The following SOX5 variants were observed in gnomAD, a reference collection of about 807,000 sequenced individuals.
The protein encoded by SOX5 is SRY-box transcription factor 5.
A neutral mutation model predicts 92.0 loss-of-function variants in SOX5; 9 were observed. The observed-to-expected ratio is 0.10, with a 90% CI of 0.06 to 0.17. The LOEUF is 0.17. Ranked by LOEUF, SOX5 falls within the 10% of genes least tolerant of loss-of-function variation. The pLI is 1.00. For synonymous variants in SOX5, 344 were observed against 336.3 expected, an observed-to-expected ratio of 1.02 and a Z score of -0.25; for missense variants, 642 against 944.5, an observed-to-expected ratio of 0.68 and a Z score of 4.20.
chr12:24,088,622 A>T (rs1944289306), intron 4 of SOX5, among the ~76,000 whole-genome samples: 1 of 151,812 alleles, frequency 6.6e-6, no homozygotes, highest in South Asian at 2.1e-4. Flanking sequence ...GGCTCATTTT[A>T]GTCTTTTCTT....
At chr12:24,258,235 T>C (rs2686329) in intron 3 of SOX5, among the ~76,000 whole-genome samples, 103,555 of 152,046 alleles carry the variant, frequency 0.68, 37,733 homozygotes, top group East Asian at 0.96. Flanking sequence ...TTTGGGCCCA[T>C]GACCCTTAAA....
At chr12:23,927,590 G>A (rs532832707) in intron 1 of SOX5, among the ~76,000 whole-genome samples, 1 of 151,952 alleles carries the variant, frequency 6.6e-6, no homozygotes, top group African/African-American at 2.4e-5. Flanking sequence ...CAATTTTCCT[G>A]TTTACCTCAC....
chr12:23,630,701 A>G (rs1479460), intron 8 of SOX5, among the ~76,000 whole-genome samples: 86,927 of 151,646 alleles, frequency 0.57, 25,138 homozygotes, highest in African/African-American at 0.64. Context: ...GAGGTCATTT[A>G]TACCCACTTT....
chr12:23,807,775 G>A (rs922239487), intron 3 of SOX5, among the ~76,000 whole-genome samples: 7 of 151,830 alleles, frequency 4.6e-5, no homozygotes, highest in African/African-American at 1.5e-4. Context: ...AGCATCCTGA[G>A]TAGCTGGGAT....
At chr12:23,638,866 A>G (rs558004584) in intron 8 of SOX5, among the ~76,000 whole-genome samples, 1 of 150,908 alleles carries the variant, frequency 6.6e-6, no homozygotes, top group Non-Finnish European at 1.5e-5. Context: ...TTTGTTCTGA[A>G]TAACGGTTAT....
intron 2 of SOX5, among the ~76,000 whole-genome samples, chr12:24,362,372 C>T (rs1161764988): frequency 6.6e-6 from 1 of 152,124 alleles, no homozygotes; most frequent in Non-Finnish European, 1.5e-5. Flanking sequence ...AGATTTAGTC[C>T]TTTTGTGCAA....
chr12:24,346,626 T>C (rs1292522718), intron 2 of SOX5, among the ~76,000 whole-genome samples: 2 of 152,092 alleles, frequency 1.3e-5, no homozygotes, highest in Non-Finnish European at 2.9e-5. Flanking sequence ...CTAATTTTTG[T>C]ACTTTTAGTA....
At chr12:23,766,069 T>C (rs1470598058) in intron 3 of SOX5, among the ~76,000 whole-genome samples, 3 of 152,172 alleles carry the variant, frequency 2.0e-5, no homozygotes, top group Admixed American at 1.3e-4. Flanking sequence ...TTACTTGAAT[T>C]ATTAAATTAG....
At chr12:24,354,925 G>A (rs1031970018) in intron 2 of SOX5, among the ~76,000 whole-genome samples, 2 of 152,122 alleles carry the variant, frequency 1.3e-5, no homozygotes, top group East Asian at 3.8e-4. Context: ...GAGATTCTTT[G>A]ACTTTTTGGC....
At chr12:23,652,337 C>T (rs2139068120) in intron 7 of SOX5, among the ~76,000 whole-genome samples, 1 of 152,050 alleles carries the variant, frequency 6.6e-6, no homozygotes, top group South Asian at 2.1e-4. Flanking sequence ...TAGGCTGTTC[C>T]ACCTTCCTTC....
At chr12:24,006,071 T>C (rs980544863) in intron 4 of SOX5, among the ~76,000 whole-genome samples, 1 of 152,186 alleles carries the variant, frequency 6.6e-6, no homozygotes, top group Non-Finnish European at 1.5e-5. Context: ...GCTATTGATG[T>C]CAAAGGCTTT....
intron 3 of SOX5, among the ~76,000 whole-genome samples, chr12:23,768,785 T>C (rs1304732405): frequency 3.3e-5 from 5 of 152,110 alleles, no homozygotes; most frequent in African/African-American, 1.2e-4. Flanking sequence ...ATCATTAAAA[T>C]TGATCTTTAT....
At position 24,164,517 on chromosome 12, in the gene SOX5, G is replaced by C. The variant is rs12307748; in HGVS notation, c.-2+48826C>G. ...GTATGCCCTGTGAAATTCAGTTAAA[G>C]GAAAAAATTGTAAATTAGATTCACC... On this transcript the variant is annotated intron_variant, in intron 4 of 4. Transcript: ENST00000446891. Among the ~76,000 whole-genome samples the C allele has an allele frequency of 9.0e-3, 1,373 of 152,044 alleles. 23 individuals carry two copies. Among genetic ancestry groups the C allele is most frequent in the African/African-American group, 0.031 (1,290 of 41,514 alleles).
chr12:24,330,027 C>T lies in SOX5; in HGVS notation c.-174+38536G>A, dbSNP rs149722531. Among the ~76,000 whole-genome samples the T allele has an allele frequency of 3.4e-3, 514 of 152,016 alleles. 3 individuals carry two copies. The highest frequency in any genetic ancestry group is 0.012 in the African/African-American group (496 of 41,456). ...AACAGAGTGAGACTCTCTCTCAAAACAAACAAACAAAAAGTATAAAATTAA... is the reference window on the plus strand; with the variant it reads ...AACAGAGTGAGACTCTCTCTCAAAATAAACAAACAAAAAGTATAAAATTAA... On this transcript the variant is annotated intron_variant, in intron 2 of 4. Coordinates refer to the SOX5 transcript ENST00000446891.
chr12:23,865,674 C>CA (rs201267717), intron 2 of SOX5, among the ~76,000 whole-genome samples: 22,145 of 150,360 alleles, frequency 0.15, 1,748 homozygotes, highest in African/African-American at 0.2. Context: ...GACTCCGTCT[C>CA]AAAAAAAACG....
At chr12:23,948,186 G>T (rs540153327) in intron 1 of SOX5, among the ~76,000 whole-genome samples, 1 of 150,294 alleles carries the variant, frequency 6.7e-6, no homozygotes, top group Non-Finnish European at 1.5e-5. Context: ...TCAAACATTC[G>T]CTGGAATTAT....
At chr12:24,008,428 C>G (rs1286735642) in intron 4 of SOX5, among the ~76,000 whole-genome samples, 1 of 151,884 alleles carries the variant, frequency 6.6e-6, no homozygotes, top group Non-Finnish European at 1.5e-5. Context: ...CAGATAGGGC[C>G]TAATTATGTC....
At chr12:23,889,282 T>C (rs543971163) in intron 2 of SOX5, among the ~76,000 whole-genome samples, 2 of 152,330 alleles carry the variant, frequency 1.3e-5, no homozygotes, top group African/African-American at 2.4e-5. Context: ...TTAAAGCTTA[T>C]AAAAAGCACC....
At chr12:24,207,147 A>C (rs1958104297) in intron 4 of SOX5, among the ~76,000 whole-genome samples, 1 of 152,264 alleles carries the variant, frequency 6.6e-6, no homozygotes, top group Admixed American at 6.5e-5. Flanking sequence ...TTTGTGAGTT[A>C]AATATTTTAC....
Sources: allele counts gnomAD v4.1 joint callset (sites outside exome capture counted in the v4.1 genomes callset), GRCh38; gene constraint gnomAD v4.1.1; transcripts MANE v1.5; gene names NCBI Gene and HGNC (gene_info 2026-07-23, HGNC 2026-07-21).